The following CIAO2A variants were observed in gnomAD, a reference collection of about 807,000 sequenced individuals.
The protein encoded by CIAO2A is MIP18 family protein FAM96A.
In CIAO2A, 17 loss-of-function variants were observed where a neutral mutation model predicts 22.4. The ratio of observed to expected loss-of-function variants is 0.76; its 90% confidence interval spans 0.52 to 1.14. The LOEUF is 1.14. Among genes scored for constraint, CIAO2A ranks in the 50% most tolerant of loss-of-function variants. The pLI, the probability that CIAO2A is intolerant of heterozygous loss-of-function variation, is 0.00. For synonymous variants in CIAO2A, 74 were observed against 72.3 expected, an observed-to-expected ratio of 1.02 and a Z score of -0.12; for missense variants, 192 against 191.4, an observed-to-expected ratio of 1.00 and a Z score of -0.02.
rs150274741 is a variant in CIAO2A, at chr15:64,093,093, G to T, written c.124+552C>A. On this transcript the variant is annotated intron_variant, in intron 1 of 4. Transcript: ENST00000300030. ...GTGTATGTGTGTGTGTGCGTTATGT[G>T]TGTGTACACAAGGCCTTGCTACAAG... Among the ~76,000 whole-genome samples the T allele has an allele frequency of 5.1e-4, 78 of 152,340 alleles. 1 individual carries two copies. The highest frequency in any genetic ancestry group is 1.8e-3 in the African/African-American group (76 of 41,582).
intron 2 of CIAO2A, among the ~76,000 whole-genome samples, chr15:64,085,006 C>A (rs2080782936): frequency 6.7e-6 from 1 of 150,342 alleles, no homozygotes; most frequent in Non-Finnish European, 1.5e-5. Context: ...AGCGGAGAAT[C>A]ACTTGAACCT....
chr15:64,078,844 G>A (rs1048735779), intron 3 of CIAO2A, among the ~76,000 whole-genome samples: 8 of 152,002 alleles, frequency 5.3e-5, no homozygotes, highest in Admixed American at 2.6e-4. Flanking sequence ...AGGAGTTCAC[G>A]AACAGCTTGG....
intron 2 of CIAO2A, among the ~76,000 whole-genome samples, chr15:64,083,924 C>G (rs944146557): frequency 1.3e-5 from 2 of 151,228 alleles, no homozygotes. Flanking sequence ...ACCTGGGCAA[C>G]AGAGCAAGAC....
chr15:64,075,414 G>C (rs1455253486), intron 4 of CIAO2A, 78 bp downstream of exon 4: 2 of 887,904 alleles, frequency 2.3e-6, no homozygotes, highest in Non-Finnish European at 3.4e-6. Flanking sequence ...GTAGATTCTT[G>C]GCTGGCAGAA....
At position 64,093,534 on chromosome 15, in the gene CIAO2A, C is replaced by CAAAA. The variant is rs879688998; in HGVS notation, c.124+107_124+110dup. 18 of 1,243,034 alleles carry CAAAA rather than the reference C, an allele frequency of 1.4e-5. No individual in the cohort carries two copies. In the African/African-American group the frequency reaches 1.9e-4, roughly 13 times the overall value. The allele number at this position is 1,243,034 out of a possible 1,614,324, so 77.0% of individuals were successfully genotyped here. ...GGCCAAAAACAAACAAACAAACAAA[C>CAAAA]AAAAAAAAAGGTCTCCCCTCCCAGC... On this transcript the variant is annotated intron_variant, in intron 1 of 4. Transcript: ENST00000300030.
chr15:64,088,496 A>G (rs2080814579), intron 2 of CIAO2A, among the ~76,000 whole-genome samples, 191 bp downstream of exon 2: 1 of 152,212 alleles, frequency 6.6e-6, no homozygotes. Context: ...GAAGATAATA[A>G]TATTTTAACT....
intron 3 of CIAO2A, among the ~76,000 whole-genome samples, chr15:64,080,192 C>T (rs929559893): frequency 4.6e-5 from 7 of 151,902 alleles, no homozygotes; most frequent in African/African-American, 1.7e-4. Context: ...TCAAGACCAG[C>T]CTGGCCAACA....
At chr15:64,092,735 A>T (rs1197500909) in intron 1 of CIAO2A, among the ~76,000 whole-genome samples, 1 of 152,060 alleles carries the variant, frequency 6.6e-6, no homozygotes, top group Non-Finnish European at 1.5e-5. Flanking sequence ...GTATTTCCTA[A>T]CCCTGGCTTC....
At chr15:64,080,952 A>C in intron 3 of CIAO2A, 150 bp downstream of exon 3, 1 of 654,380 alleles carries the variant, frequency 1.5e-6, no homozygotes, top group Non-Finnish European at 2.5e-6. Context: ...CAAAAAGTAG[A>C]AACAACCTAA....
intron 1 of CIAO2A, among the ~76,000 whole-genome samples, chr15:64,090,536 T>A (rs149652886): frequency 7.9e-5 from 12 of 152,144 alleles, no homozygotes; most frequent in Non-Finnish European, 7.4e-5. Flanking sequence ...AACTTAGGGA[T>A]CAGAATGAGA....
At chr15:64,073,541 T>C (rs2080691803) in intron 4 of CIAO2A, among the ~76,000 whole-genome samples, 1 of 152,210 alleles carries the variant, frequency 6.6e-6, no homozygotes, top group South Asian at 2.1e-4. Flanking sequence ...CTCACCAGTT[T>C]ATATTGTCAA....
intron 3 of CIAO2A, among the ~76,000 whole-genome samples, chr15:64,077,272 T>C (rs968077903): frequency 6.6e-6 from 1 of 152,022 alleles, no homozygotes; most frequent in African/African-American, 2.4e-5. Flanking sequence ...CACTCCAGCC[T>C]GGGTGACAGA....
intron 4 of CIAO2A, chr15:64,074,349 T>A (rs1344388587): frequency 2.0e-5 from 3 of 152,234 alleles, no homozygotes; most frequent in Non-Finnish European, 2.9e-5. Context: ...AAGGCAGGAA[T>A]GTATCTCAAA....
At position 64,088,672 on chromosome 15, in the gene CIAO2A, T is replaced by A; in HGVS notation, c.289+15A>T. Reference sequence around the variant, plus strand: ...GAATTTATATAAATATACATGTATGTACAGAAAAACTTACCAATAAGAGTC... The same window carrying A: ...GAATTTATATAAATATACATGTATGAACAGAAAAACTTACCAATAAGAGTC... On this transcript the variant is annotated intron_variant, in intron 2 of 4. Transcript: ENST00000300030. 1.3e-6 allele frequency: 2 copies of A among 1,593,474 alleles called. No individual in the cohort carries two copies. The highest frequency in any genetic ancestry group is 2.3e-5 in the South Asian group (2 of 88,038).
In CIAO2A at chr15:64,088,786, C is replaced by T. The variant is rs1408947075; in HGVS notation, c.190G>A (p.Glu64Lys). Reference sequence around the variant, plus strand: ...ATCTCCTGAACTTCCACACAACTTTCCGAGACCACTTCCAGTTCTTCTAAA... The same window carrying T: ...ATCTCCTGAACTTCCACACAACTTTTCGAGACCACTTCCAGTTCTTCTAAA... ...NTLEELEVVS[E>K]SCVEVQEINE... Residue 64 changes from glutamate (E) to lysine (K), a missense_variant, in exon 2 of 5, where the codon GAA becomes AAA. By Grantham distance (56) the Glu-to-Lys change is moderately conservative (BLOSUM62 1). Coordinates refer to ENST00000300030, the MANE Select transcript of CIAO2A (RefSeq NM_032231.7). 6.2e-7 allele frequency: 1 copy of T among 1,614,108 alleles called. No individual in the cohort carries two copies.
In CIAO2A at chr15:64,093,685, C is replaced by T; in HGVS notation, c.84G>A (p.Arg28=). The part of the protein sequence containing the change: ...LSGLSEPGAA[R]QPRIMEEKAL... ...CTTTCTCTTCCATGATCCGGGGCTG[C>T]CGGGCAGCTCCCGGCTCAGAGAGGC... Residue 28 remains arginine (R), a synonymous_variant, in exon 1 of 5, where the codon CGG becomes CGA. Coordinates refer to ENST00000300030, the MANE Select transcript of CIAO2A (RefSeq NM_032231.7). 1 of 1,614,016 alleles carries T rather than the reference C, an allele frequency of 6.2e-7. No homozygotes were observed. The highest frequency in any genetic ancestry group is 8.5e-7 in the Non-Finnish European group (1 of 1,179,940).
At chr15:64,076,138 A>G (rs1418323794) in intron 3 of CIAO2A, among the ~76,000 whole-genome samples, 1 of 152,202 alleles carries the variant, frequency 6.6e-6, no homozygotes, top group Non-Finnish European at 1.5e-5. Flanking sequence ...TACACAAATG[A>G]GATCTCATAT....
chr15:64,075,989 C>T (rs2080714582), intron 3 of CIAO2A, among the ~76,000 whole-genome samples: 1 of 151,338 alleles, frequency 6.6e-6, no homozygotes, highest in Non-Finnish European at 1.5e-5. Context: ...ACATCAGAGA[C>T]ATAGGGACAA....
chr15:64,078,860 A>G (rs2080740142), intron 3 of CIAO2A, among the ~76,000 whole-genome samples: 1 of 152,128 alleles, frequency 6.6e-6, no homozygotes, highest in African/African-American at 2.4e-5. Context: ...CTTGGGCAAC[A>G]TAGTGAGACT....
Sources: gnomAD v4.1 joint callset for allele counts (sites outside exome capture counted in the v4.1 genomes callset) on GRCh38, gnomAD v4.1.1 for gene constraint, MANE v1.5 for transcripts, NCBI Gene and HGNC (gene_info 2026-07-23, HGNC 2026-07-21) for gene names.